NAV2: variants seen among roughly 807,000 people sequenced by gnomAD.
NAV2 encodes the protein helicase, APC down-regulated 1.
NAV2 carries 54 observed loss-of-function variants against 223.2 expected under a neutral mutation model. That is an observed-to-expected ratio of 0.24 (90% CI 0.19 to 0.30). The LOEUF (loss-of-function observed/expected upper bound fraction) is 0.30, where lower values mean the gene tolerates loss of function less well. Among genes scored for constraint, NAV2 ranks in the 10% least tolerant of loss-of-function variants. NAV2 has a pLI of 1.00. For synonymous variants in NAV2, 1,279 were observed against 1,239.3 expected (o/e 1.03, Z -0.67); for missense variants, 2,806 against 3,147.5 (o/e 0.89, Z 2.60).
intron 26 of NAV2, among the ~76,000 whole-genome samples, chr11:20,084,242 C>T (rs774707207): frequency 1.1e-4 from 17 of 152,164 alleles, no homozygotes; most frequent in Admixed American, 3.3e-4. Flanking sequence ...GGACTACAGG[C>T]GCATGCCACC....
chr11:19,859,773 AC>A (rs1361908076), intron 3 of NAV2, among the ~76,000 whole-genome samples: 6 of 134,972 alleles, frequency 4.4e-5, no homozygotes, highest in Non-Finnish European at 6.3e-5. Flanking sequence ...TGGGGGGCTG[AC>A]CCCCCCACCT....
chr11:19,689,001 C>T (rs1037404985), intron 1 of NAV2, among the ~76,000 whole-genome samples: 60 of 152,154 alleles, frequency 3.9e-4, no homozygotes, highest in African/African-American at 1.4e-3. Context: ...GCTGTAAGCA[C>T]ATTCCCTGGC....
At chr11:19,613,006 AG>A (rs1472846118) in intron 1 of NAV2, among the ~76,000 whole-genome samples, 1 of 152,182 alleles carries the variant, frequency 6.6e-6, no homozygotes, top group Non-Finnish European at 1.5e-5. Flanking sequence ...GGAAGGCAAA[AG>A]GTGCTTCTTA....
At chr11:19,735,305 C>A (rs1270374472) in intron 1 of NAV2, among the ~76,000 whole-genome samples, 1 of 152,164 alleles carries the variant, frequency 6.6e-6, no homozygotes. Context: ...CCCTGGCTCT[C>A]TCTGCCAGAA....
chr11:19,475,202 T>C (rs1033501296), intron 1 of NAV2, among the ~76,000 whole-genome samples: 34 of 152,350 alleles, frequency 2.2e-4, no homozygotes, highest in Admixed American at 1.5e-3. Context: ...TTCTGATATA[T>C]GAGCAACGGC....
chr11:19,557,325 C>A (rs1296159959), intron 1 of NAV2, among the ~76,000 whole-genome samples: 2 of 152,192 alleles, frequency 1.3e-5, no homozygotes. Context: ...TCATTCAAAC[C>A]CAGACTCTTA....
At chr11:19,471,036 C>T (rs2041948651) in intron 1 of NAV2, among the ~76,000 whole-genome samples, 1 of 152,174 alleles carries the variant, frequency 6.6e-6, no homozygotes, top group Non-Finnish European at 1.5e-5. Context: ...TCTAAATTCT[C>T]TCTTTCTAAT....
At chr11:19,911,019 T>C (rs1172636648) in intron 6 of NAV2, among the ~76,000 whole-genome samples, 1 of 151,320 alleles carries the variant, frequency 6.6e-6, no homozygotes, top group Non-Finnish European at 1.5e-5. Flanking sequence ...AGTATCATCA[T>C]TTTGCAAGCA....
At chr11:19,705,603 A>G (rs2049638669) in intron 1 of NAV2, among the ~76,000 whole-genome samples, 1 of 151,972 alleles carries the variant, frequency 6.6e-6, no homozygotes, top group African/African-American at 2.4e-5. Context: ...TAATCTTAGG[A>G]TCTCACTCTT....
chr11:19,629,114 G>T (rs371907301), intron 1 of NAV2, among the ~76,000 whole-genome samples: 8 of 152,100 alleles, frequency 5.3e-5, no homozygotes, highest in African/African-American at 1.7e-4. Context: ...TGTCTCCGTG[G>T]AGTGCAGCCT....
In NAV2 at chr11:19,814,628, T is replaced by A. The variant is rs185031473; in HGVS notation, c.268-17856T>A. Among the ~76,000 whole-genome samples the A allele has an allele frequency of 2.0e-3, 302 of 152,280 alleles. 2 individuals carry two copies. Among genetic ancestry groups the A allele is most frequent in the African/African-American group, 6.9e-3 (287 of 41,540 alleles). On this transcript the variant is annotated intron_variant, in intron 1 of 37. Transcript: ENST00000349880. ...CTGGTTTTACAATCAGAATGGCCAC[T>A]TTTTTGTTTGTTTGTTTTGAGAGAG...
At chr11:19,797,631 A>G (rs2057998957) in intron 1 of NAV2, among the ~76,000 whole-genome samples, 1 of 152,220 alleles carries the variant, frequency 6.6e-6, no homozygotes, top group African/African-American at 2.4e-5. Flanking sequence ...CTGTGGACAC[A>G]GACAATGAGA....
intron 1 of NAV2, among the ~76,000 whole-genome samples, chr11:19,442,699 G>A (rs10766559): frequency 0.3 from 45,695 of 152,096 alleles, 7,417 homozygotes; most frequent in Middle Eastern, 0.38. Context: ...GTTCCACCCT[G>A]CCACCAACTG....
At chr11:19,351,647 G>T (rs759191369) in intron 1 of NAV2, among the ~76,000 whole-genome samples, 4 of 152,036 alleles carry the variant, frequency 2.6e-5, no homozygotes, top group Admixed American at 6.6e-5. Flanking sequence ...TAGGGTGGTT[G>T]GTTGTCTAGG....
chr11:19,571,721 AAAAAG>A (rs1206169818), intron 1 of NAV2, among the ~76,000 whole-genome samples: 1 of 152,208 alleles, frequency 6.6e-6, no homozygotes, highest in Non-Finnish European at 1.5e-5. Context: ...AAGAAAAAAA[AAAAAG>A]AAAAGTTTAA....
At chr11:19,805,476 G>A (rs1304644120) in intron 1 of NAV2, among the ~76,000 whole-genome samples, 1 of 152,112 alleles carries the variant, frequency 6.6e-6, no homozygotes, top group Non-Finnish European at 1.5e-5. Context: ...TATAAATAAG[G>A]CTGTTGCTTA....
chr11:19,757,639 A>C (rs991135766), intron 1 of NAV2, among the ~76,000 whole-genome samples: 2 of 152,120 alleles, frequency 1.3e-5, no homozygotes, highest in Non-Finnish European at 2.9e-5. Context: ...CATAGGCTGC[A>C]TGGTGTGTGA....
chr11:19,358,592 G>A (rs1853754171), intron 1 of NAV2, among the ~76,000 whole-genome samples: 1 of 152,192 alleles, frequency 6.6e-6, no homozygotes, highest in South Asian at 2.1e-4. Context: ...GAATCAGGAT[G>A]TTGGTTACAA....
chr11:19,842,948 G>A (rs1565413072), intron 3 of NAV2, 25 bp downstream of exon 3: 1 of 1,607,998 alleles, frequency 6.2e-7, no homozygotes, highest in Non-Finnish European at 8.5e-7. Flanking sequence ...GGTAGTAAAT[G>A]TTTGAGTTCT....
Sources: gnomAD v4.1 joint callset for allele counts (sites outside exome capture counted in the v4.1 genomes callset) on GRCh38, gnomAD v4.1.1 for gene constraint, MANE v1.5 for transcripts, NCBI Gene and HGNC (gene_info 2026-07-23, HGNC 2026-07-21) for gene names.